ELAVL2: variants seen among roughly 807,000 people sequenced by gnomAD.
ELAVL2 encodes the protein ELAV like RNA binding protein 2.
A neutral mutation model predicts 34.6 loss-of-function variants in ELAVL2; 4 were observed. The ratio of observed to expected loss-of-function variants is 0.12; its 90% confidence interval spans 0.06 to 0.26. ELAVL2 has a LOEUF of 0.26. ELAVL2 is among the 10% of genes least tolerant of loss of function. The pLI is 1.00. For missense variants in ELAVL2, 432 were observed against 442.8 expected, an observed-to-expected ratio of 0.98 and a Z score of 0.22; for synonymous variants, 193 against 154.8, an observed-to-expected ratio of 1.25 and a Z score of -1.83.
chr9:23,731,824 C>T (rs560523839), intron 2 of ELAVL2, among the ~76,000 whole-genome samples: 5 of 152,024 alleles, frequency 3.3e-5, no homozygotes, highest in Middle Eastern at 3.4e-3. Flanking sequence ...ACAAAAATAA[C>T]AGGAGAAAAA....
rs556642124 is a variant in ELAVL2 at position 23,763,418 on chromosome 9, G to C, written c.-15-1169C>G. On this transcript the variant is annotated intron_variant, in intron 1 of 6. Coordinates refer to ENST00000397312, the MANE Select transcript of ELAVL2 (RefSeq NM_004432.5). Reference sequence around the variant, plus strand: ...ACTGTGGTGGAATCTAAAAATCAACGCATCACTGAAAGGATTATCCTTCAT... The same window carrying C: ...ACTGTGGTGGAATCTAAAAATCAACCCATCACTGAAAGGATTATCCTTCAT... 2.1e-4 allele frequency among the ~76,000 whole-genome samples: 32 copies of C among 152,058 alleles called. No homozygotes were observed. The South Asian group carries it at 3.9e-3, about 19-fold the overall frequency.
rs199637833 is a variant in ELAVL2 at position 23,699,812 on chromosome 9, GTTTTTTTTTTTTTTTTTTTT to G, written c.713+1547_713+1566del. Among the ~76,000 whole-genome samples, 171 of 82,980 alleles carry G rather than the reference GTTTTTTTTTTTTTTTTTTTT, an allele frequency of 2.1e-3. 1 individual carries two copies. Among genetic ancestry groups the G allele is most frequent in the South Asian group, 0.016 (32 of 2,036 alleles). The allele number at this position is 82,980 out of a possible 152,430, so 54.4% of individuals were successfully genotyped here. On this transcript the variant is annotated intron_variant, in intron 5 of 6. Transcript: ENST00000397312. ...CCATGGGAAGTCAAAGGTGGCAAAG[GTTTTTTTTTTTTTTTTTTTT>G]TTTTTTTTTTTTTTTTTTTTAATAC...
intron 1 of ELAVL2, among the ~76,000 whole-genome samples, chr9:23,775,744 G>C (rs1306271297): frequency 2.0e-5 from 3 of 152,086 alleles, no homozygotes; most frequent in African/African-American, 7.2e-5. Flanking sequence ...ATATACACAA[G>C]CTCTAACAAG....
chr9:23,695,507 C>A (rs76359057), intron 5 of ELAVL2, among the ~76,000 whole-genome samples: 1 of 152,120 alleles, frequency 6.6e-6, no homozygotes, highest in Non-Finnish European at 1.5e-5. Context: ...TACCGTCAGG[C>A]CTTTTTTAAC....
chr9:23,708,450 G>A (rs180844411), intron 3 of ELAVL2, among the ~76,000 whole-genome samples: 3 of 152,242 alleles, frequency 2.0e-5, no homozygotes, highest in African/African-American at 7.2e-5. Flanking sequence ...TTCAAACTCT[G>A]ATCTTTCTCT....
At position 23,701,454 on chromosome 9, in the gene ELAVL2, G is replaced by A; in HGVS notation, c.638C>T (p.Ala213Val). The part of the protein sequence containing the change: ...ANNPSQKTNQ[A>V]ILSQLYQSPN... ...AGACTGGTACAGCTGGGAAAGGATG[G>A]CCTGATTGGTTTTTTGGCTTGGGTT... is the stretch of plus-strand genomic sequence containing the variant. Residue 213 changes from alanine to valine, a missense_variant, in exon 5 of 7, where the codon GCC (alanine) becomes GTC (valine). Coordinates refer to ENST00000397312, the MANE Select transcript of ELAVL2 (RefSeq NM_004432.5). 6.2e-7 allele frequency: 1 copy of A among 1,614,134 alleles called. No individual in the cohort carries two copies. The highest frequency in any genetic ancestry group is 2.2e-5 in the East Asian group (1 of 44,850).
At chr9:23,841,829 A>C in the ELAVL2 span, among the ~76,000 whole-genome samples, 1 of 152,206 alleles carries the variant, frequency 6.6e-6, no homozygotes, top group East Asian at 1.9e-4. Flanking sequence ...TGGCATGAGA[A>C]ACTAGAGGAA....
chr9:23,708,632 T>A (rs1019367642), intron 3 of ELAVL2, among the ~76,000 whole-genome samples: 3 of 152,216 alleles, frequency 2.0e-5, no homozygotes, highest in African/African-American at 7.2e-5. Context: ...TAGAAATTAG[T>A]TAAAAGTTAT....
chr9:23,757,404 G>A (rs1180312926), intron 2 of ELAVL2, among the ~76,000 whole-genome samples: 1 of 152,024 alleles, frequency 6.6e-6, no homozygotes, highest in Non-Finnish European at 1.5e-5. Context: ...CTACTCTACC[G>A]CTTAATAGCT....
intron 2 of ELAVL2, among the ~76,000 whole-genome samples, chr9:23,755,453 T>A (rs1442191308): frequency 6.6e-6 from 1 of 152,146 alleles, no homozygotes; most frequent in Admixed American, 6.6e-5. Context: ...CACCAAATTT[T>A]TTAAATGACT....
At chr9:23,748,119 G>A (rs2050961425) in intron 2 of ELAVL2, among the ~76,000 whole-genome samples, 4 of 151,260 alleles carry the variant, frequency 2.6e-5, no homozygotes, top group Admixed American at 1.3e-4. Flanking sequence ...GCTCTGTCCT[G>A]TGGGTTTCTG....
chr9:23,781,991 T>A (rs530179227), intron 1 of ELAVL2, among the ~76,000 whole-genome samples: 1 of 152,248 alleles, frequency 6.6e-6, no homozygotes, highest in South Asian at 2.1e-4. Flanking sequence ...GCTAATTTTT[T>A]AAAATCTTTT....
At chr9:23,714,286 G>C (rs1191929724) in intron 3 of ELAVL2, among the ~76,000 whole-genome samples, 1 of 152,170 alleles carries the variant, frequency 6.6e-6, no homozygotes, top group Non-Finnish European at 1.5e-5. Context: ...CAGAGGAGGA[G>C]ACGTGGCACA....
At chr9:23,814,273 G>T (rs548502619) in intron 1 of ELAVL2, among the ~76,000 whole-genome samples, 11 of 152,248 alleles carry the variant, frequency 7.2e-5, no homozygotes, top group African/African-American at 2.2e-4. Flanking sequence ...TAAGTAAAAT[G>T]TAACAAAGTG....
At chr9:23,845,840 C>G in the ELAVL2 span, among the ~76,000 whole-genome samples, 1 of 151,736 alleles carries the variant, frequency 6.6e-6, no homozygotes, top group Admixed American at 6.6e-5. Flanking sequence ...CACAAAACAA[C>G]TCAGGAGACC....
At chr9:23,752,697 T>C (rs10966067) in intron 2 of ELAVL2, among the ~76,000 whole-genome samples, 58,112 of 151,894 alleles carry the variant, frequency 0.38, 11,893 homozygotes, top group East Asian at 0.58. Context: ...TCAGATGATC[T>C]GCCCACCTTG....
At chr9:23,789,283 G>A (rs1274250280) in intron 1 of ELAVL2, among the ~76,000 whole-genome samples, 3 of 152,142 alleles carry the variant, frequency 2.0e-5, no homozygotes, top group Admixed American at 1.3e-4. Flanking sequence ...CACAAGAAAT[G>A]CAAGTTTTCC....
chr9:23,701,037 TC>T (rs1209816323), intron 5 of ELAVL2, among the ~76,000 whole-genome samples: 2 of 152,108 alleles, frequency 1.3e-5, no homozygotes, highest in South Asian at 2.1e-4. Flanking sequence ...CTTAGCAGCA[TC>T]CCCGACCTCT....
Position 23,692,514 on chromosome 9 carries a change from T to C in ELAVL2, c.*43A>G, listed in dbSNP as rs749434799. The C allele has an allele frequency of 3.8e-6, 6 of 1,558,952 alleles. No individual in the cohort carries two copies. Among genetic ancestry groups the C allele is most frequent in the South Asian group, 1.2e-5 (1 of 82,274 alleles). ...TAAAGTTTCTCTTAACTTGCCTTTG[T>C]TGTATAGTTTTCATATATAAATGGA... On this transcript the variant is annotated 3_prime_UTR_variant, in exon 7 of 7. Coordinates refer to ENST00000397312, the MANE Select transcript of ELAVL2 (RefSeq NM_004432.5).
Sources: allele counts gnomAD v4.1 joint callset (sites outside exome capture counted in the v4.1 genomes callset), GRCh38; gene constraint gnomAD v4.1.1; transcripts MANE v1.5; gene names NCBI Gene and HGNC (gene_info 2026-07-23, HGNC 2026-07-21).